MELK: variants seen among roughly 807,000 people sequenced by gnomAD.
MELK encodes maternal embryonic leucine zipper kinase, also known as pEg3 kinase.
MELK carries 81 observed loss-of-function variants against 85.0 expected under a neutral mutation model. The ratio of observed to expected loss-of-function variants is 0.95; its 90% CI spans 0.80 to 1.15. The LOEUF (loss-of-function observed/expected upper bound fraction) is 1.15. MELK is among the 50% of genes most tolerant of loss of function. MELK has a pLI of 0.00. For synonymous variants in MELK, 252 were observed against 265.0 expected, an observed-to-expected ratio of 0.95 and a Z score of 0.48; for missense variants, 754 against 777.5, an observed-to-expected ratio of 0.97 and a Z score of 0.36.
intron 4 of MELK, among the ~76,000 whole-genome samples, chr9:36,593,342 T>C (rs1274631309): frequency 1.3e-5 from 2 of 151,980 alleles, no homozygotes; most frequent in African/African-American, 4.8e-5. Context: ...AGGAGGTGAT[T>C]AGGTTATGAG....
intron 1 of MELK, among the ~76,000 whole-genome samples, chr9:36,580,257 T>C (rs1026206678): frequency 1.3e-5 from 2 of 152,070 alleles, no homozygotes; most frequent in Admixed American, 1.3e-4. Flanking sequence ...CTCCATTTCC[T>C]GACCTTGTGA....
intron 10 of MELK, among the ~76,000 whole-genome samples, chr9:36,634,014 A>C (rs914633252): frequency 1.3e-5 from 2 of 152,230 alleles, no homozygotes; most frequent in African/African-American, 4.8e-5. Flanking sequence ...TTTGTACTGT[A>C]TTCCATAAAA....
intron 8 of MELK, among the ~76,000 whole-genome samples, chr9:36,612,784 C>G (rs1826179298): frequency 6.6e-6 from 1 of 152,154 alleles, no homozygotes; most frequent in Admixed American, 6.5e-5. Context: ...TGTATTAGCC[C>G]CATAAAGTTA....
chr9:36,643,033 T>G lies in MELK; in HGVS notation c.871T>G (p.Ser291Ala). The part of the protein sequence containing the change: ...HLDDDCVTEL[S>A]VHHRNNRQTM... ...CGATGATGATTGCGTAACAGAACTT[T>G]CTGTACATCACAGAAACAACAGGCA... The change falls in exon 11 of 18, where the codon TCT (serine) becomes GCT (alanine). Residue 291 changes from serine to alanine, a missense_variant. Coordinates refer to ENST00000298048, the MANE Select transcript of MELK (RefSeq NM_014791.4). 2 of 1,613,004 alleles carry G rather than the reference T, an allele frequency of 1.2e-6. No individual in the cohort carries two copies. The highest frequency in any genetic ancestry group is 4.5e-5 in the East Asian group (2 of 44,798).
chr9:36,676,265 T>C (rs1286307103), intron 17 of MELK, among the ~76,000 whole-genome samples: 3 of 152,174 alleles, frequency 2.0e-5, no homozygotes, highest in Non-Finnish European at 4.4e-5. Flanking sequence ...CAGAAAAAAG[T>C]ACATAACTGA....
rs115586289 is a variant in MELK, at chr9:36,599,460, C to T, written c.541C>T (p.Gln181Ter). 1 of 1,612,116 alleles carries T rather than the reference C, an allele frequency of 6.2e-7. No individual in the cohort carries two copies. Among genetic ancestry groups the T allele is most frequent in the Admixed American group, 1.7e-5 (1 of 59,972 alleles). ...GGCTTATGCAGCACCTGAGTTAATACAAGGCAAATCATATCTTGGATCAGA... is the reference window on the plus strand; with the variant it reads ...GGCTTATGCAGCACCTGAGTTAATATAAGGCAAATCATATCTTGGATCAGA... The part of the protein sequence containing the change: ...SLAYAAPELI[Q>*]GKSYLGSEAD... Residue 181 changes from glutamine to a stop codon, truncating the protein, a stop_gained, in exon 7 of 18, where the codon CAA becomes TAA. Transcript: ENST00000298048. LOFTEE classifies it high-confidence loss of function.
intron 13 of MELK, among the ~76,000 whole-genome samples, chr9:36,658,742 C>T (rs1368017015): frequency 6.6e-6 from 1 of 152,100 alleles, no homozygotes; most frequent in Non-Finnish European, 1.5e-5. Flanking sequence ...CGCTGTATCG[C>T]CCAGGCTGGA....
chr9:36,629,449 A>G (rs986096620), intron 8 of MELK, among the ~76,000 whole-genome samples: 5 of 152,174 alleles, frequency 3.3e-5, no homozygotes, highest in African/African-American at 1.2e-4. Context: ...TAGGTTGTAT[A>G]CATTTGCCTT....
At chr9:36,589,173 G>C (rs1032491650) in intron 3 of MELK, among the ~76,000 whole-genome samples, 3 of 151,308 alleles carry the variant, frequency 2.0e-5, no homozygotes, top group African/African-American at 4.9e-5. Context: ...TTTTGAAACA[G>C]AGTCTTGCTC....
intron 10 of MELK, among the ~76,000 whole-genome samples, chr9:36,639,826 C>T (rs187647011): frequency 6.6e-6 from 1 of 152,018 alleles, no homozygotes. Context: ...CAGGAGGCTG[C>T]GGGAGAGAGG....
chr9:36,668,167 G>T (rs1177453999), intron 14 of MELK, among the ~76,000 whole-genome samples: 1 of 152,120 alleles, frequency 6.6e-6, no homozygotes, highest in Non-Finnish European at 1.5e-5. Flanking sequence ...TTGTTGAAGG[G>T]CAGTTCTGTA....
intron 13 of MELK, among the ~76,000 whole-genome samples, chr9:36,662,704 G>A (rs1001942815): frequency 6.6e-6 from 1 of 152,208 alleles, no homozygotes; most frequent in Non-Finnish European, 1.5e-5. Flanking sequence ...TTCACAGGAT[G>A]TTATTGAAGA....
At chr9:36,664,112 CAT>C (rs1054583603) in intron 13 of MELK, among the ~76,000 whole-genome samples, 2 of 152,048 alleles carry the variant, frequency 1.3e-5, no homozygotes, top group African/African-American at 4.8e-5. Flanking sequence ...TGTTATTTGA[CAT>C]GTGCATTGCA....
At chr9:36,577,168 G>T (rs945128452) in intron 1 of MELK, among the ~76,000 whole-genome samples, 1 of 152,138 alleles carries the variant, frequency 6.6e-6, no homozygotes, top group African/African-American at 2.4e-5. Flanking sequence ...GAAGAACAGA[G>T]AATTTGAAGG....
intron 3 of MELK, among the ~76,000 whole-genome samples, chr9:36,585,109 CA>C (rs1466367231): frequency 6.6e-6 from 1 of 151,938 alleles, no homozygotes; most frequent in Non-Finnish European, 1.5e-5. Flanking sequence ...TGAATTCTTC[CA>C]GGGGGAACAG....
chr9:36,608,572 G>A (rs565850890), intron 8 of MELK, among the ~76,000 whole-genome samples: 5 of 151,312 alleles, frequency 3.3e-5, no homozygotes, highest in African/African-American at 1.2e-4. Flanking sequence ...GTACTCTTAC[G>A]TTATACAAAC....
rs1176621814 is a variant in MELK, at chr9:36,615,553, C to G, written c.666+7880C>G. ...GCCGGGCGGAGACGCTCCTCACTTC[C>G]CAGATGGGGTGGCTGCTGGGCGGAG... On this transcript the variant is annotated intron_variant, in intron 8 of 17. Coordinates refer to ENST00000298048, the MANE Select transcript of MELK (RefSeq NM_014791.4). 2.2e-5 allele frequency among the ~76,000 whole-genome samples: 3 copies of G among 138,764 alleles called. No individual in the cohort carries two copies. In the East Asian group the frequency reaches 6.1e-4, roughly 28 times the overall value. 91.0% of individuals were successfully genotyped at this position (138,764 alleles called of 152,430 possible).
At chr9:36,594,206 T>C (rs549239182) in intron 4 of MELK, among the ~76,000 whole-genome samples, 8 of 152,342 alleles carry the variant, frequency 5.3e-5, no homozygotes, top group African/African-American at 1.7e-4. Flanking sequence ...AGACCTGGGC[T>C]CCTTCTGGTA....
At chr9:36,624,219 G>A (rs2136291171) in intron 8 of MELK, among the ~76,000 whole-genome samples, 1 of 151,948 alleles carries the variant, frequency 6.6e-6, no homozygotes, top group South Asian at 2.1e-4. Flanking sequence ...AAGTAGCTGA[G>A]ACTACAGGCA....
Sources: gnomAD v4.1 joint callset for allele counts (sites outside exome capture counted in the v4.1 genomes callset) on GRCh38, gnomAD v4.1.1 for gene constraint, MANE v1.5 for transcripts, NCBI Gene and HGNC (gene_info 2026-07-23, HGNC 2026-07-21) for gene names.